The following GATA5 variants were observed in gnomAD, a reference collection of about 807,000 sequenced individuals.
The protein encoded by GATA5 is transcription factor GATA-5.
Under a neutral mutation model 35.0 loss-of-function variants are expected in GATA5, and 27 were observed. The observed-to-expected ratio is 0.77, with a 90% CI of 0.57 to 1.06. The LOEUF is 1.06. Ranked by LOEUF, GATA5 falls within the 50% of genes least tolerant of loss-of-function variation. The pLI, the probability that GATA5 is intolerant of heterozygous loss-of-function variation, is 0.00. For missense variants in GATA5, 612 were observed against 580.0 expected (o/e 1.06, Z -0.57); for synonymous variants, 306 against 267.8 (o/e 1.14, Z -1.39).
chr20:62,470,889 G>A lies in GATA5; in HGVS notation c.699+2514C>T, dbSNP rs1419291523. The stretch of plus-strand genomic sequence containing the variant: ...GACAGTAAACAGGGTCCTCCCCCAG[G>A]AGGCACCCCAAAGCCCACCCTGTCT... On this transcript the variant is annotated intron_variant, in intron 3 of 6. Coordinates refer to ENST00000252997, the MANE Select transcript of GATA5 (RefSeq NM_080473.5). This position sits in a 1 kb window ranked among gnomAD's most constrained non-coding sequence, Gnocchi z 4.6. Among the ~76,000 whole-genome samples the A allele has an allele frequency of 6.6e-6, 1 of 152,150 alleles. No individual in the cohort carries two copies. The highest frequency in any genetic ancestry group is 1.5e-5 in the Non-Finnish European group (1 of 68,024).
rs1555895971 is a variant in GATA5, at chr20:62,465,471, G to A, written c.914-7C>T. 6.2e-7 allele frequency: 1 copy of A among 1,605,188 alleles called. No homozygotes were observed. The highest frequency in any genetic ancestry group is 8.5e-7 in the Non-Finnish European group (1 of 1,178,718). Reference sequence around the variant, plus strand: ...GAGGCATTCCTTGTGGATCCTGGAAGCGAAGAGGGGGTGTTTACAGAGGGG... The same window carrying A: ...GAGGCATTCCTTGTGGATCCTGGAAACGAAGAGGGGGTGTTTACAGAGGGG... On this transcript the variant is annotated splice_region_variant and splice_polypyrimidine_tract_variant and intron_variant, in intron 5 of 6. Coordinates refer to ENST00000252997, the MANE Select transcript of GATA5 (RefSeq NM_080473.5).
intron 6 of GATA5, 54 bp downstream of exon 6, chr20:62,465,286 G>C (rs1989552626): frequency 6.5e-7 from 1 of 1,538,544 alleles, no homozygotes; most frequent in Admixed American, 1.9e-5. Context: ...TGACTTGGCG[G>C]AGGAAGCACA....
chr20:62,465,131 G>A (rs1989548215), intron 6 of GATA5, 140 bp from the exon 7 acceptor site: 1 of 902,690 alleles, frequency 1.1e-6, no homozygotes, highest in Non-Finnish European at 1.6e-6. Context: ...GAATGGCATG[G>A]GGGACCCCAC....
At chr20:62,467,443 C>T (rs1423425521) in intron 3 of GATA5, among the ~76,000 whole-genome samples, 1 of 152,224 alleles carries the variant, frequency 6.6e-6, no homozygotes, top group Non-Finnish European at 1.5e-5. Context: ...GACTTGAAGC[C>T]CTTTCCCGAA....
intron 3 of GATA5, among the ~76,000 whole-genome samples, chr20:62,473,146 C>A (rs1989762147): frequency 6.6e-6 from 1 of 152,234 alleles, no homozygotes; most frequent in Admixed American, 6.5e-5. Flanking sequence ...GGCTCCTGGC[C>A]CCCAGAGCGC....
intron 2 of GATA5, 69 bp from the exon 3 acceptor site, chr20:62,473,647 G>GAC: frequency 6.8e-7 from 1 of 1,466,160 alleles, no homozygotes; most frequent in Non-Finnish European, 9.2e-7. Context: ...TCATGGGCCG[G>GAC]CACCCTCCCC....
chr20:62,468,387 C>T (rs1989644696), intron 3 of GATA5, among the ~76,000 whole-genome samples: 1 of 152,264 alleles, frequency 6.6e-6, no homozygotes, highest in Non-Finnish European at 1.5e-5. Context: ...GCCTACCCTT[C>T]CCCCAGGCTG....
intron 3 of GATA5, among the ~76,000 whole-genome samples, chr20:62,472,274 G>A (rs1046335110): frequency 9.2e-4 from 140 of 152,220 alleles, no homozygotes; most frequent in African/African-American, 3.1e-3. Context: ...GGCCGCCCCC[G>A]GCCTGTGGTC....
chr20:62,470,491 C>T lies in GATA5; in HGVS notation c.699+2912G>A, dbSNP rs1051196577. 1.6e-4 allele frequency among the ~76,000 whole-genome samples: 25 copies of T among 152,308 alleles called. No individual in the cohort carries two copies. Among genetic ancestry groups the T allele is most frequent in the African/African-American group, 5.8e-4 (24 of 41,560 alleles). On this transcript the variant is annotated intron_variant, in intron 3 of 6. Coordinates refer to ENST00000252997, the MANE Select transcript of GATA5 (RefSeq NM_080473.5). The surrounding 1 kb of genome is among the most constrained non-coding windows in gnomAD (Gnocchi z 4.6). ...CTTGATACAGTGCCCATGCCCCTTG[C>T]TGGCCGAGGACAAACTGACTTGGGG...
intron 5 of GATA5, 44 bp from the exon 6 acceptor site, chr20:62,465,508 C>G (rs1601514259): frequency 6.4e-7 from 1 of 1,574,284 alleles, no homozygotes; most frequent in East Asian, 2.2e-5. Flanking sequence ...CAGGTGTGGC[C>G]TCACTTCCCC....
chr20:62,465,988 C>T, intron 4 of GATA5, 67 bp from the exon 5 acceptor site: 1 of 1,118,166 alleles, frequency 8.9e-7, no homozygotes, highest in Non-Finnish European at 1.3e-6. Context: ...TGCACAGCAC[C>T]CCCTCATTCC....
rs908106982 is a variant in GATA5 at position 62,469,908 on chromosome 20, C to T, written c.700-3357G>A. Among the ~76,000 whole-genome samples, 13 of 152,306 alleles carry T rather than the reference C, an allele frequency of 8.5e-5. No individual in the cohort carries two copies. The South Asian group carries it at 2.5e-3, about 29-fold the overall frequency. On this transcript the variant is annotated intron_variant, in intron 3 of 6. Transcript: ENST00000252997. ...CGGCCAGGTACTTAGGGGACACGCT[C>T]CCAGCAGCTTGCCCGCGCTGGGGCT... is the stretch of plus-strand genomic sequence containing the variant.
Position 62,465,457 on chromosome 20 carries a change from T to C in GATA5, c.921A>G (p.Thr307=), listed in dbSNP as rs782611968. 6.2e-7 allele frequency: 1 copy of C among 1,607,520 alleles called. No homozygotes were observed. Among genetic ancestry groups the C allele is most frequent in the East Asian group, 2.2e-5 (1 of 44,852 alleles). ...IAKARGSSGS[T]RNASASPSAV... Reference sequence around the variant, plus strand: ...CAGATGGGGAGGCCGAGGCATTCCTTGTGGATCCTGGAAGCGAAGAGGGGG... The same window carrying C: ...CAGATGGGGAGGCCGAGGCATTCCTCGTGGATCCTGGAAGCGAAGAGGGGG... Residue 307 remains threonine (T), a synonymous_variant, in exon 6 of 7, where the codon ACA becomes ACG. Transcript: ENST00000252997.
At position 62,474,978 on chromosome 20, in the gene GATA5, CTG is replaced by C; in HGVS notation, c.523+19_523+20del. 1 of 1,286,742 alleles carries C rather than the reference CTG, an allele frequency of 7.8e-7. No homozygotes were observed. The highest frequency in any genetic ancestry group is 9.9e-7 in the Non-Finnish European group (1 of 1,013,582). 79.7% of individuals were successfully genotyped at this position (1,286,742 alleles called of 1,614,324 possible). A position where few individuals can be genotyped will look rare whatever the true frequency, so the allele number is the denominator to read the frequency against. The stretch of plus-strand genomic sequence containing the variant: ...ATTCGGCCGCTCCTGGGCCCCGAGA[CTG>C]TGGAGCCCCCGCACTCACCGAAGGT... On this transcript the variant is annotated intron_variant, in intron 2 of 6. Transcript: ENST00000252997.
Position 62,475,559 on chromosome 20 carries a change from C to G in GATA5, c.-21-17G>C. 2 of 1,251,230 alleles carry G rather than the reference C, an allele frequency of 1.6e-6. No homozygotes were observed. The highest frequency in any genetic ancestry group is 2.0e-6 in the Non-Finnish European group (2 of 997,426). 77.5% of individuals were successfully genotyped at this position (1,251,230 alleles called of 1,614,324 possible). A position where few individuals can be genotyped will look rare whatever the true frequency, so the allele number is the denominator to read the frequency against. ...GGTCTTGACCTGCAGGGAAGAGGGACAGGTGTGGAGGTCACGGGAGCTCTG... is the reference window on the plus strand; with the variant it reads ...GGTCTTGACCTGCAGGGAAGAGGGAGAGGTGTGGAGGTCACGGGAGCTCTG... On this transcript the variant is annotated splice_polypyrimidine_tract_variant and intron_variant, in intron 1 of 6. Transcript: ENST00000252997.
intron 6 of GATA5, 39 bp downstream of exon 6, chr20:62,465,301 C>T: frequency 6.4e-7 from 1 of 1,560,416 alleles, no homozygotes; most frequent in African/African-American, 1.4e-5. Context: ...AGCACAGGGG[C>T]CCCAGCTCTG....
At chr20:62,467,057 C>A (rs1471307199) in intron 3 of GATA5, among the ~76,000 whole-genome samples, 2 of 152,228 alleles carry the variant, frequency 1.3e-5, no homozygotes, top group Non-Finnish European at 2.9e-5. Context: ...CTATGTCTCC[C>A]CATTGCTGTG....
At chr20:62,472,225 G>A (rs1989739967) in intron 3 of GATA5, among the ~76,000 whole-genome samples, 1 of 151,998 alleles carries the variant, frequency 6.6e-6, no homozygotes, top group Non-Finnish European at 1.5e-5. Flanking sequence ...GGCCTGCAGA[G>A]CCCCAGGCCC....
Position 62,475,125 on chromosome 20 carries a change from G to A in GATA5, c.397C>T (p.Pro133Ser). 1 of 1,372,134 alleles carries A rather than the reference G, an allele frequency of 7.3e-7. No homozygotes were observed. Among genetic ancestry groups the A allele is most frequent in the Non-Finnish European group, 9.4e-7 (1 of 1,059,536 alleles). 85.0% of individuals were successfully genotyped at this position (1,372,134 alleles called of 1,614,324 possible). Residue 133 changes from proline (P) to serine (S), a missense_variant, in exon 2 of 7, where the codon CCG (proline) becomes TCG (serine). Pro to Ser is a moderately conservative substitution (Grantham distance 74). Coordinates refer to ENST00000252997, the MANE Select transcript of GATA5 (RefSeq NM_080473.5). ...GTGGCGGAGTACGAGGTCCCCACCG[G>A]CCGCCCAAGCGGGGCCGCGAACTGT... The part of the protein sequence containing the change: ...REQFAAPLGR[P>S]VGTSYSATYP...
Sources: gnomAD v4.1 joint callset for allele counts (sites outside exome capture counted in the v4.1 genomes callset) on GRCh38, gnomAD v4.1.1 for gene constraint, Gnocchi (gnomAD v3.1) non-coding constraint, MANE v1.5 for transcripts, NCBI Gene and HGNC (gene_info 2026-07-23, HGNC 2026-07-21) for gene names.